Variants in PSD3 observed in about 807,000 individuals in gnomAD.
PSD3 encodes the protein pleckstrin and Sec7 domain containing 3, also known as PH and SEC7 domain-containing protein 3.
In PSD3, 49 loss-of-function variants were observed where a neutral mutation model predicts 105.5. The observed-to-expected ratio is 0.46, with a 90% CI of 0.37 to 0.59. The LOEUF (loss-of-function observed/expected upper bound fraction) is 0.59. Ranked by LOEUF, PSD3 falls within the 20% of genes least tolerant of loss-of-function variation. The probability of loss-of-function intolerance (pLI) is 0.00; values close to 1 mark genes in which losing one functional copy is unlikely to be tolerated. For missense variants in PSD3, 1,561 were observed against 1,263.8 expected (o/e 1.24, Z -3.57); for synonymous variants, 557 against 457.8 (o/e 1.22, Z -2.77).
chr8:19,056,018 A>C (rs1828699169), intron 1 of PSD3, among the ~76,000 whole-genome samples: 1 of 152,212 alleles, frequency 6.6e-6, no homozygotes, highest in Non-Finnish European at 1.5e-5. Context: ...TATTATCTTG[A>C]AAAATCTTTA....
intron 14 of PSD3, among the ~76,000 whole-genome samples, chr8:18,561,977 TATC>T (rs1347719661): frequency 6.6e-6 from 1 of 152,144 alleles, no homozygotes; most frequent in African/African-American, 2.4e-5. Context: ...ACATAGTACT[TATC>T]ATGGAGAGAA....
intron 4 of PSD3, among the ~76,000 whole-genome samples, chr8:18,844,481 A>G (rs1814915440): frequency 6.6e-6 from 1 of 152,172 alleles, no homozygotes; most frequent in South Asian, 2.1e-4. Flanking sequence ...CTTTATCTTG[A>G]CTAAACATGA....
At chr8:18,561,408 T>C (rs1434297671) in intron 14 of PSD3, among the ~76,000 whole-genome samples, 2 of 152,166 alleles carry the variant, frequency 1.3e-5, no homozygotes, top group African/African-American at 4.8e-5. Context: ...ATCTCATATA[T>C]GGAATCTAAA....
At chr8:18,978,354 T>C (rs1345646033) in intron 1 of PSD3, among the ~76,000 whole-genome samples, 1 of 152,210 alleles carries the variant, frequency 6.6e-6, no homozygotes, top group Non-Finnish European at 1.5e-5. Context: ...TGATGACTTC[T>C]CTTACTATGT....
exon 1 of PSD3, chr8:19,084,565 G>A (rs1379757243): frequency 2.7e-6 from 1 of 375,392 alleles, no homozygotes; most frequent in East Asian, 7.3e-5. Flanking sequence ...CATGCCAGGG[G>A]CTGTAGCCAG....
chr8:18,539,360 G>T lies in PSD3; in HGVS notation c.2929-3402C>A, dbSNP rs143624674. Among the ~76,000 whole-genome samples, 699 of 152,182 alleles carry T rather than the reference G, an allele frequency of 4.6e-3. 3 individuals are homozygous for T. Among genetic ancestry groups the T allele is most frequent in the African/African-American group, 0.016 (648 of 41,538 alleles). ...ATTTCGCCTCATATTCTCTTTCTGGGCAGTAGGAAGGTCATATTTCTTAAC... is the reference window on the plus strand; with the variant it reads ...ATTTCGCCTCATATTCTCTTTCTGGTCAGTAGGAAGGTCATATTTCTTAAC... On this transcript the variant is annotated intron_variant, in intron 15 of 15. Coordinates refer to ENST00000327040, the MANE Select transcript of PSD3 (RefSeq NM_015310.4).
intron 12 of PSD3, among the ~76,000 whole-genome samples, chr8:18,590,050 C>G (rs1358126547): frequency 6.6e-6 from 1 of 151,668 alleles, no homozygotes; most frequent in Non-Finnish European, 1.5e-5. Context: ...AAGAAAACAA[C>G]AACAACAACA....
intron 8 of PSD3, among the ~76,000 whole-genome samples, chr8:18,796,741 T>G (rs965544859): frequency 6.6e-6 from 1 of 152,184 alleles, no homozygotes; most frequent in Non-Finnish European, 1.5e-5. Flanking sequence ...GTCTTGGCAC[T>G]TCTTAGAAAG....
chr8:18,551,750 A>G (rs534482519), intron 15 of PSD3, among the ~76,000 whole-genome samples: 2 of 152,194 alleles, frequency 1.3e-5, no homozygotes, highest in Non-Finnish European at 2.9e-5. Flanking sequence ...TCATGAGGGA[A>G]GTGGACATTC....
intron 10 of PSD3, among the ~76,000 whole-genome samples, chr8:18,651,287 T>G (rs1808458201): frequency 6.6e-6 from 1 of 150,944 alleles, no homozygotes; most frequent in Admixed American, 6.6e-5. Context: ...CCTATAAGGT[T>G]TATAACAGTT....
chr8:18,661,174 A>G (rs535435799), intron 9 of PSD3, among the ~76,000 whole-genome samples: 3 of 152,094 alleles, frequency 2.0e-5, no homozygotes, highest in Non-Finnish European at 4.4e-5. Context: ...ACTCCAATGA[A>G]TTTTTTTCTC....
intron 1 of PSD3, among the ~76,000 whole-genome samples, chr8:19,079,846 C>G (rs1829584080): frequency 6.7e-6 from 1 of 148,624 alleles, no homozygotes; most frequent in Non-Finnish European, 1.5e-5. Context: ...AGTCATTTGA[C>G]AAAATAATGA....
At chr8:18,536,332 C>T (rs574552893) in intron 15 of PSD3, among the ~76,000 whole-genome samples, 2 of 152,126 alleles carry the variant, frequency 1.3e-5, no homozygotes, top group African/African-American at 2.4e-5. Flanking sequence ...TGGCTCTGTA[C>T]CAAAGTCACC....
At chr8:18,703,657 T>G (rs1801721606) in intron 9 of PSD3, among the ~76,000 whole-genome samples, 1 of 152,234 alleles carries the variant, frequency 6.6e-6, no homozygotes, top group African/African-American at 2.4e-5. Flanking sequence ...ACTGGATGAC[T>G]GCAGTACAAT....
intron 1 of PSD3, among the ~76,000 whole-genome samples, chr8:18,982,695 G>A (rs1004978635): frequency 2.0e-5 from 3 of 152,148 alleles, no homozygotes; most frequent in Non-Finnish European, 2.9e-5. Flanking sequence ...GTGATATTCT[G>A]AAATAAATAT....
intron 2 of PSD3, among the ~76,000 whole-genome samples, chr8:18,932,806 CA>C (rs1260706683): frequency 1.3e-5 from 2 of 152,154 alleles, no homozygotes; most frequent in African/African-American, 4.8e-5. Context: ...CCCAGTTCGT[CA>C]AACAATTTCT....
chr8:18,828,476 C>A (rs1251988218), intron 4 of PSD3, among the ~76,000 whole-genome samples: 6 of 151,780 alleles, frequency 4.0e-5, no homozygotes, highest in African/African-American at 1.2e-4. Flanking sequence ...TTTTTTAATT[C>A]TCTTGACAAA....
intron 2 of PSD3, among the ~76,000 whole-genome samples, chr8:18,896,663 T>A (rs1202471377): frequency 6.6e-6 from 1 of 152,088 alleles, no homozygotes; most frequent in Non-Finnish European, 1.5e-5. Flanking sequence ...TCTGCCCACC[T>A]CGGCCTCCCA....
At chr8:18,780,245 T>C (rs542174907) in intron 8 of PSD3, among the ~76,000 whole-genome samples, 1 of 152,214 alleles carries the variant, frequency 6.6e-6, no homozygotes, top group Non-Finnish European at 1.5e-5. Flanking sequence ...ATGCTTGCTT[T>C]TGGTTTCTGT....
Sources: gnomAD v4.1 joint callset for allele counts (sites outside exome capture counted in the v4.1 genomes callset) on GRCh38, gnomAD v4.1.1 for gene constraint, MANE v1.5 for transcripts, NCBI Gene and HGNC (gene_info 2026-07-23, HGNC 2026-07-21) for gene names.